The following ZFYVE1 variants were observed in gnomAD, a reference collection of about 807,000 sequenced individuals.
ZFYVE1 encodes zinc finger FYVE domain-containing protein 1.
Under a neutral mutation model 74.4 loss-of-function variants are expected in ZFYVE1, and 30 were observed. The ratio of observed to expected loss-of-function variants is 0.40; its 90% CI spans 0.30 to 0.55. The LOEUF (loss-of-function observed/expected upper bound fraction) is 0.55, where lower values mean the gene tolerates loss of function less well. Ranked by LOEUF, ZFYVE1 falls within the 20% of genes least tolerant of loss-of-function variation. The probability of loss-of-function intolerance (pLI) is 0.42; values close to 1 mark genes in which losing one functional copy is unlikely to be tolerated. For missense variants in ZFYVE1, 703 were observed against 1,011.6 expected, an observed-to-expected ratio of 0.69 and a Z score of 4.14; for synonymous variants, 335 against 385.1, an observed-to-expected ratio of 0.87 and a Z score of 1.52.
chr14:72,988,806 C>CAAAA (rs1425078012), intron 4 of ZFYVE1, among the ~76,000 whole-genome samples: 42 of 79,984 alleles, frequency 5.3e-4, no homozygotes, highest in Middle Eastern at 6.1e-3. Context: ...GACTCTGTCT[C>CAAAA]AAAAAAAAAA....
Position 72,975,100 on chromosome 14 carries a change from A to G in ZFYVE1, c.1807-141T>C, listed in dbSNP as rs544189104. ...CAACAAGGACAAGAGCTTTCTAGTAACGCGTTATCTGAGAATGGAAAGGAA... is the reference window on the plus strand; with the variant it reads ...CAACAAGGACAAGAGCTTTCTAGTAGCGCGTTATCTGAGAATGGAAAGGAA... On this transcript the variant is annotated intron_variant, in intron 9 of 11. Transcript: ENST00000556143. This position sits in a 1 kb window ranked among gnomAD's most constrained non-coding sequence, Gnocchi z 4.1. 19 of 852,252 alleles carry G rather than the reference A, an allele frequency of 2.2e-5. No homozygotes were observed. Among genetic ancestry groups the G allele is most frequent in the Non-Finnish European group, 3.3e-5 (19 of 575,376 alleles). The allele number at this position is 852,252 out of a possible 1,614,324, so 52.8% of individuals were successfully genotyped here. A position where few individuals can be genotyped will look rare whatever the true frequency, so the allele number is the denominator to read the frequency against.
rs776971321 is a variant in ZFYVE1, at chr14:73,024,515, G to A, written c.-7C>T. ...GGGAAGTCTGGGCACTCATACTCAC[G>A]CTGGTAAGGAAACACACCCACCATA... is the stretch of plus-strand genomic sequence containing the variant. On this transcript the variant is annotated 5_prime_UTR_variant, in exon 2 of 12. Coordinates refer to ENST00000556143, the MANE Select transcript of ZFYVE1 (RefSeq NM_021260.4). 8.8e-6 allele frequency: 14 copies of A among 1,586,278 alleles called. No individual in the cohort carries two copies. Among genetic ancestry groups the A allele is most frequent in the East Asian group, 2.2e-5 (1 of 44,600 alleles).
intron 4 of ZFYVE1, among the ~76,000 whole-genome samples, chr14:72,990,912 C>G (rs886411519): frequency 6.6e-6 from 1 of 151,840 alleles, no homozygotes; most frequent in Non-Finnish European, 1.5e-5. Flanking sequence ...GTTGGCCAGG[C>G]TGGCCTCGAA....
At chr14:72,996,147 G>T (rs780772784) in intron 3 of ZFYVE1, among the ~76,000 whole-genome samples, 3 of 152,166 alleles carry the variant, frequency 2.0e-5, no homozygotes, top group Non-Finnish European at 4.4e-5. Flanking sequence ...GGCAGGGGGA[G>T]AATGAAAAGG....
At chr14:72,980,727 C>T (rs1893308316) in intron 5 of ZFYVE1, among the ~76,000 whole-genome samples, 1 of 152,088 alleles carries the variant, frequency 6.6e-6, no homozygotes, top group Non-Finnish European at 1.5e-5. Flanking sequence ...GCCACCGTGC[C>T]AGGCTAATTT....
chr14:72,992,510 A>C (rs537135785), intron 4 of ZFYVE1, among the ~76,000 whole-genome samples: 1 of 152,148 alleles, frequency 6.6e-6, no homozygotes, highest in East Asian at 1.9e-4. Context: ...ATCCATACAG[A>C]GTACTCTGAA....
intron 2 of ZFYVE1, among the ~76,000 whole-genome samples, chr14:73,010,768 TAAAAAAAAAAAAA>T (rs35771113): frequency 1.7e-5 from 1 of 58,986 alleles, no homozygotes; most frequent in Non-Finnish European, 2.9e-5. Context: ...AGACTCCATC[TAAAAAAAAAAAAA>T]AAAAAAAAAA....
intron 8 of ZFYVE1, among the ~76,000 whole-genome samples, chr14:72,976,915 C>T (rs1243460047): frequency 1.3e-5 from 2 of 152,060 alleles, no homozygotes; most frequent in African/African-American, 2.4e-5. Context: ...AATCACCCAG[C>T]GAGGACAATG....
At position 73,027,015 on chromosome 14, in the gene ZFYVE1, C is replaced by A; in HGVS notation, c.-524G>T. On this transcript the variant is annotated 5_prime_UTR_variant, in exon 1 of 12. Coordinates refer to ENST00000556143, the MANE Select transcript of ZFYVE1 (RefSeq NM_021260.4). ...GCTATTCCTCAGGACACCGGCAGATCCATCCTCATCTCCATCTCCGCCACC... is the reference window on the plus strand; with the variant it reads ...GCTATTCCTCAGGACACCGGCAGATACATCCTCATCTCCATCTCCGCCACC... 1 of 398,970 alleles carries A rather than the reference C, an allele frequency of 2.5e-6. No homozygotes were observed. Among genetic ancestry groups the A allele is most frequent in the East Asian group, 3.6e-5 (1 of 28,078 alleles). 24.7% of individuals were successfully genotyped at this position (398,970 alleles called of 1,614,324 possible).
intron 8 of ZFYVE1, among the ~76,000 whole-genome samples, chr14:72,977,076 A>G (rs1167011612): frequency 6.6e-6 from 1 of 152,226 alleles, no homozygotes; most frequent in Non-Finnish European, 1.5e-5. Context: ...CCTCACAAAC[A>G]GATTTGTATT....
intron 4 of ZFYVE1, among the ~76,000 whole-genome samples, chr14:72,992,730 T>C (rs1893650526): frequency 6.6e-6 from 1 of 151,412 alleles, no homozygotes; most frequent in Admixed American, 6.6e-5. Context: ...GTGATACTAG[T>C]TTTCCGCTTA....
chr14:73,015,118 C>G (rs1376193419), intron 2 of ZFYVE1, among the ~76,000 whole-genome samples: 1 of 151,010 alleles, frequency 6.6e-6, no homozygotes, highest in Non-Finnish European at 1.5e-5. Flanking sequence ...ATAGTCCCAG[C>G]TACTCAGGAG....
chr14:72,999,878 G>A (rs57469014), intron 2 of ZFYVE1, among the ~76,000 whole-genome samples: 5,327 of 152,212 alleles, frequency 0.035, 300 homozygotes, highest in African/African-American at 0.12. Context: ...TGGCCAACAT[G>A]GTGAAACCCC....
intron 2 of ZFYVE1, among the ~76,000 whole-genome samples, chr14:73,002,568 G>A (rs891333328): frequency 6.6e-6 from 1 of 151,632 alleles, no homozygotes; most frequent in African/African-American, 2.4e-5. Context: ...TCAAACTCCC[G>A]AGTAGCTGGG....
At chr14:72,996,537 G>A (rs1054238984) in intron 3 of ZFYVE1, among the ~76,000 whole-genome samples, 14 of 152,144 alleles carry the variant, frequency 9.2e-5, no homozygotes, top group Admixed American at 6.6e-4. Context: ...GAGATTACAG[G>A]TGTGAGCCAC....
intron 2 of ZFYVE1, 135 bp from the exon 3 acceptor site, chr14:72,998,450 C>A: frequency 1.3e-6 from 1 of 790,936 alleles, no homozygotes; most frequent in East Asian, 2.9e-5. Context: ...GATAATAGCT[C>A]CCCACCTCCA....
Position 73,024,614 on chromosome 14 carries a change from G to A in ZFYVE1, c.-106C>T. 2 of 1,443,956 alleles carry A rather than the reference G, an allele frequency of 1.4e-6. No individual in the cohort carries two copies. The highest frequency in any genetic ancestry group is 1.8e-6 in the Non-Finnish European group (2 of 1,085,644). The allele number at this position is 1,443,956 out of a possible 1,614,324, so 89.4% of individuals were successfully genotyped here. On this transcript the variant is annotated 5_prime_UTR_variant, in exon 2 of 12. Coordinates refer to ENST00000556143, the MANE Select transcript of ZFYVE1 (RefSeq NM_021260.4). Reference sequence around the variant, plus strand: ...GAAGACTGCACGAAACTTCCACAGGGTTCTGAACACTTTAAAAAAGAACAC... The same window carrying A: ...GAAGACTGCACGAAACTTCCACAGGATTCTGAACACTTTAAAAAAGAACAC...
intron 4 of ZFYVE1, among the ~76,000 whole-genome samples, chr14:72,992,088 T>C (rs1236397158): frequency 2.6e-5 from 4 of 152,014 alleles, no homozygotes; most frequent in Non-Finnish European, 5.9e-5. Context: ...TTTGTATTTT[T>C]AGTAGAAAGG....
At chr14:72,999,181 C>T (rs1262782015) in intron 2 of ZFYVE1, among the ~76,000 whole-genome samples, 1 of 152,022 alleles carries the variant, frequency 6.6e-6, no homozygotes. Flanking sequence ...GTAATCCCAA[C>T]ACTTTGTGAG....
Sources: allele counts gnomAD v4.1 joint callset (sites outside exome capture counted in the v4.1 genomes callset), GRCh38; gene constraint gnomAD v4.1.1; non-coding constraint Gnocchi (gnomAD v3.1); transcripts MANE v1.5; gene names NCBI Gene and HGNC (gene_info 2026-07-23, HGNC 2026-07-21).